Variants in GGTA1 observed in about 807,000 individuals in gnomAD.
GGTA1 encodes the protein glycoprotein alpha-galactosyltransferase 1 (inactive).
A neutral mutation model predicts 2.6 loss-of-function variants in GGTA1; 5 were observed. The ratio of observed to expected loss-of-function variants is 1.92; its 90% CI spans 1.00 to 4.04. The LOEUF (loss-of-function observed/expected upper bound fraction) is 4.04. Among genes scored for constraint, GGTA1 ranks in the 30% most tolerant of loss-of-function variants. The pLI, the probability that GGTA1 is intolerant of heterozygous loss-of-function variation, is 0.00. For missense variants in GGTA1, 50 were observed against 16.7 expected, an observed-to-expected ratio of 2.99 and a Z score of -3.47; for synonymous variants, 17 against 5.0, an observed-to-expected ratio of 3.38 and a Z score of -3.19.
At chr9:121,485,975 A>T (rs896236911) in intron 1 of GGTA1, among the ~76,000 whole-genome samples, 2 of 152,182 alleles carry the variant, frequency 1.3e-5, no homozygotes, top group Non-Finnish European at 2.9e-5. Flanking sequence ...TCCTGCGCAC[A>T]CCATGAACTA....
chr9:121,474,080 G>T (rs1029494498), intron 1 of GGTA1, among the ~76,000 whole-genome samples: 1 of 152,028 alleles, frequency 6.6e-6, no homozygotes, highest in African/African-American at 2.4e-5. Context: ...TCCTTTCAAG[G>T]GGTGGAGCAC....
At chr9:121,462,052 G>A (rs1296488975) in intron 3 of GGTA1, among the ~76,000 whole-genome samples, 3 of 152,190 alleles carry the variant, frequency 2.0e-5, no homozygotes, top group African/African-American at 4.8e-5. Flanking sequence ...GGTCGGGCAC[G>A]GTGGCTCACG....
At chr9:121,461,578 G>A (rs1036997720) in intron 3 of GGTA1, among the ~76,000 whole-genome samples, 1 of 152,118 alleles carries the variant, frequency 6.6e-6, no homozygotes, top group Admixed American at 6.5e-5. Context: ...GGAAAAGGGG[G>A]CTGGAGTGGG....
At chr9:121,494,174 A>G (rs1828939903) in intron 1 of GGTA1, among the ~76,000 whole-genome samples, 1 of 152,112 alleles carries the variant, frequency 6.6e-6, no homozygotes, top group Non-Finnish European at 1.5e-5. Flanking sequence ...TCAGAGAGGA[A>G]CCCCAGGAAG....
At chr9:121,488,146 A>G (rs2118758619) in intron 1 of GGTA1, among the ~76,000 whole-genome samples, 1 of 122,182 alleles carries the variant, frequency 8.2e-6, no homozygotes, top group East Asian at 2.4e-4. Context: ...TGTGTGTTTA[A>G]AGTTTTCTTT....
exon 8 of GGTA1, chr9:121,446,081 A>G (rs1371052469): frequency 1.3e-5 from 2 of 152,246 alleles, no homozygotes; most frequent in Admixed American, 6.5e-5. Flanking sequence ...GTCCCTGAAC[A>G]TAGGGTCAAT....
intron 5 of GGTA1, among the ~76,000 whole-genome samples, chr9:121,459,142 A>C (rs992414343): frequency 6.6e-6 from 1 of 152,158 alleles, no homozygotes; most frequent in Non-Finnish European, 1.5e-5. Flanking sequence ...CCAGAGCCCA[A>C]GCTCCTTCAC....
At chr9:121,489,874 C>T (rs1384030266) in intron 1 of GGTA1, among the ~76,000 whole-genome samples, 3 of 152,168 alleles carry the variant, frequency 2.0e-5, no homozygotes. Context: ...TCTGCTAAGC[C>T]TTCCTTAGTG....
chr9:121,485,224 A>G lies in GGTA1; in HGVS notation c.-10+14426T>C, dbSNP rs1828734529. On this transcript the variant is annotated intron_variant, in intron 1 of 5. Coordinates refer to ENST00000481799, the MANE Select transcript of GGTA1 (RefSeq NM_001382585.1). The stretch of plus-strand genomic sequence containing the variant: ...GCCAGGGTGTCCTTGGTCCCAGGCC[A>G]CATGGGCCTACCTTCTCTGGCTCCC... 4.6e-5 allele frequency among the ~76,000 whole-genome samples: 7 copies of G among 152,318 alleles called. No individual in the cohort carries two copies. In the South Asian group the frequency reaches 1.5e-3, roughly 32 times the overall value.
intron 1 of GGTA1, among the ~76,000 whole-genome samples, chr9:121,473,586 T>C (rs116032825): frequency 8.1e-4 from 123 of 152,300 alleles, no homozygotes; most frequent in African/African-American, 2.8e-3. Flanking sequence ...TTTTCAACTG[T>C]GTAATTCTGA....
Position 121,460,107 on chromosome 9 carries a change from G to T in GGTA1, c.295C>A (p.Gln99Lys), listed in dbSNP as rs754894211. ...QSFGYGTGLI[Q>K]T Reference sequence around the variant, plus strand: ...GGAGTGACGCCGCTTTTCTTACTTTGGATTAAACCAGTCCCATAGCCGAAG... The same window carrying T: ...GGAGTGACGCCGCTTTTCTTACTTTTGATTAAACCAGTCCCATAGCCGAAG... Residue 99 changes from glutamine (Q) to lysine (K), a missense_variant, in exon 5 of 6, where the codon CAA becomes AAA. By Grantham distance (53) the Gln-to-Lys change is moderately conservative (BLOSUM62 1). Transcript: ENST00000481799. 1 of 456,680 alleles carries T rather than the reference G, an allele frequency of 2.2e-6. No homozygotes were observed. The highest frequency in any genetic ancestry group is 1.5e-5 in the South Asian group (1 of 64,560). 28.3% of individuals were successfully genotyped at this position (456,680 alleles called of 1,614,324 possible).
downstream of GGTA1, among the ~76,000 whole-genome samples, chr9:121,453,867 G>C (rs1012571971): frequency 6.6e-6 from 1 of 152,166 alleles, no homozygotes; most frequent in Non-Finnish European, 1.5e-5. Flanking sequence ...CAGCCTCAGA[G>C]TGGAAAAGGG....
chr9:121,489,722 T>G (rs113504327), intron 1 of GGTA1, among the ~76,000 whole-genome samples: 57 of 152,284 alleles, frequency 3.7e-4, no homozygotes, highest in Non-Finnish European at 6.9e-4. Context: ...CAGCAGGCGT[T>G]CTGTGTTTGT....
At chr9:121,472,559 A>T (rs935052437) in intron 1 of GGTA1, among the ~76,000 whole-genome samples, 1 of 152,248 alleles carries the variant, frequency 6.6e-6, no homozygotes, top group Admixed American at 6.5e-5. Context: ...AACATGTTAT[A>T]CAATGAAGTG....
chr9:121,455,875 G>A (rs1177935539), intron 5 of GGTA1, 34 bp from the exon 6 acceptor site: 1 of 452,806 alleles, frequency 2.2e-6, no homozygotes, highest in South Asian at 1.6e-5. Context: ...AAAAATTTAT[G>A]TTGAATTAAA....
At chr9:121,453,725 G>A (rs1414191000), downstream of GGTA1, among the ~76,000 whole-genome samples, 10 of 152,188 alleles carry the variant, frequency 6.6e-5, no homozygotes, top group Admixed American at 2.6e-4. Context: ...TCAAGGAGAC[G>A]TTAGCAAATA....
At chr9:121,463,129 G>A (rs967403358) in intron 3 of GGTA1, 164 bp downstream of exon 3, 7 of 406,846 alleles carry the variant, frequency 1.7e-5, no homozygotes, top group Non-Finnish European at 2.8e-5. Context: ...ATAAGTCTAC[G>A]GAAGCTGCAG....
At chr9:121,466,559 C>T (rs905199582) in intron 2 of GGTA1, among the ~76,000 whole-genome samples, 1 of 152,250 alleles carries the variant, frequency 6.6e-6, no homozygotes, top group South Asian at 2.1e-4. Flanking sequence ...CTAATGGCTC[C>T]AGCATTCGGA....
chr9:121,457,535 AT>A, intron 5 of GGTA1, among the ~76,000 whole-genome samples: 1 of 151,752 alleles, frequency 6.6e-6, no homozygotes, highest in African/African-American at 2.4e-5. Context: ...CCCGTCTCTA[AT>A]AAAAATACAA....
Sources: allele counts gnomAD v4.1 joint callset (sites outside exome capture counted in the v4.1 genomes callset), GRCh38; gene constraint gnomAD v4.1.1; transcripts MANE v1.5; gene names NCBI Gene and HGNC (gene_info 2026-07-23, HGNC 2026-07-21).